The following ECPAS variants were observed in gnomAD, a reference collection of about 807,000 sequenced individuals.
ECPAS encodes the protein proteasome adapter and scaffold protein ECM29.
A neutral mutation model predicts 255.1 loss-of-function variants in ECPAS; 70 were observed. The observed-to-expected ratio is 0.27, with a 90% CI of 0.23 to 0.33. The LOEUF is 0.33. Among genes scored for constraint, ECPAS ranks in the 10% least tolerant of loss-of-function variants. ECPAS has a pLI of 1.00. For missense variants in ECPAS, 1,817 were observed against 2,206.4 expected, an observed-to-expected ratio of 0.82 and a Z score of 3.54; for synonymous variants, 784 against 775.0, an observed-to-expected ratio of 1.01 and a Z score of -0.19.
In ECPAS at chr9:111,389,488, T is replaced by C. The variant is rs892568053; in HGVS notation, c.3447+68A>G. 35 of 1,376,920 alleles carry C rather than the reference T, an allele frequency of 2.5e-5. 1 individual carries two copies. Among genetic ancestry groups the C allele is most frequent in the Non-Finnish European group, 3.1e-5 (32 of 1,028,590 alleles). 85.3% of individuals were successfully genotyped at this position (1,376,920 alleles called of 1,614,324 possible). A position where few individuals can be genotyped will look rare whatever the true frequency, so the allele number is the denominator to read the frequency against. On this transcript the variant is annotated intron_variant, in intron 31 of 49. Transcript: ENST00000684092. Reference sequence around the variant, plus strand: ...GTAGAAAGGAAGATGGACACTGGGTTTAAATCCTATGCATGACCCTGGACA... The same window carrying C: ...GTAGAAAGGAAGATGGACACTGGGTCTAAATCCTATGCATGACCCTGGACA...
At chr9:111,389,499 GCAT>G in intron 31 of ECPAS, 54 bp downstream of exon 31, 14 of 1,451,456 alleles carry the variant, frequency 9.6e-6, no homozygotes, top group Non-Finnish European at 1.3e-5. Context: ...TAAATCCTAT[GCAT>G]GACCCTGGAC....
At chr9:111,416,534 A>T (rs1347802199) in intron 17 of ECPAS, among the ~76,000 whole-genome samples, 182 bp from the exon 18 acceptor site, 3 of 152,198 alleles carry the variant, frequency 2.0e-5, no homozygotes, top group Non-Finnish European at 4.4e-5. Context: ...ACACTAAAAG[A>T]CAAGTGTATT....
chr9:111,429,297 T>C (rs2131836604), intron 9 of ECPAS, among the ~76,000 whole-genome samples: 1 of 152,214 alleles, frequency 6.6e-6, no homozygotes, highest in East Asian at 1.9e-4. Context: ...CACTGAAGAA[T>C]AGAATAACTG....
In ECPAS at chr9:111,432,016, A is replaced by G. The variant is rs10817174; in HGVS notation, c.848+1217T>C. 0.014 allele frequency among the ~76,000 whole-genome samples: 2,202 copies of G among 152,332 alleles called. 121 individuals are homozygous for G. In the East Asian group the frequency reaches 0.19, roughly 13 times the overall value. ...ACAAACTAAAAACTTAGTAGTAATTAACTTCATTCATATTTTGGCAAATAT... is the reference window on the plus strand; with the variant it reads ...ACAAACTAAAAACTTAGTAGTAATTGACTTCATTCATATTTTGGCAAATAT... On this transcript the variant is annotated intron_variant, in intron 8 of 49. Transcript: ENST00000684092.
At chr9:111,432,762 T>C (rs1294121663) in intron 8 of ECPAS, among the ~76,000 whole-genome samples, 1 of 152,260 alleles carries the variant, frequency 6.6e-6, no homozygotes, top group East Asian at 1.9e-4. Flanking sequence ...TACAGAATAT[T>C]TTCTATAAGT....
chr9:111,429,118 A>T (rs77821645), intron 9 of ECPAS, among the ~76,000 whole-genome samples: 7,346 of 152,240 alleles, frequency 0.048, 589 homozygotes, highest in African/African-American at 0.17. Flanking sequence ...TTCTTGAAGT[A>T]ACAAGCTCAT....
intron 2 of ECPAS, among the ~76,000 whole-genome samples, chr9:111,463,789 T>G (rs1322738507): frequency 6.6e-6 from 1 of 152,094 alleles, no homozygotes; most frequent in Non-Finnish European, 1.5e-5. Flanking sequence ...GTACCAAATG[T>G]TGGCAAAGAT....
intron 20 of ECPAS, among the ~76,000 whole-genome samples, chr9:111,413,027 AC>A (rs1292609509): frequency 6.6e-5 from 10 of 152,166 alleles, no homozygotes; most frequent in Non-Finnish European, 1.5e-4. Flanking sequence ...TATTTTCCAA[AC>A]CTGGCATCCC....
At chr9:111,446,803 C>A (rs767329933) in intron 3 of ECPAS, among the ~76,000 whole-genome samples, 1 of 152,158 alleles carries the variant, frequency 6.6e-6, no homozygotes, top group South Asian at 2.1e-4. Context: ...GACTCCAGAG[C>A]CCATTTTTTT....
rs144132152 is a variant in ECPAS, at chr9:111,425,795, T to C, written c.1084A>G (p.Asn362Asp). Residue 362 changes from asparagine (N) to aspartate (D), a missense_variant, in exon 11 of 50, where the codon AAT (asparagine) becomes GAT (aspartate). Coordinates refer to ENST00000684092, the MANE Select transcript of ECPAS (RefSeq NM_001364929.1). Reference protein sequence around the residue: ...VYDGLFGTNTNSKLRTLSLQF... With the variant: ...VYDGLFGTNTDSKLRTLSLQF... ...AGGGATAATGTTCTTAACTTTGAAT[T>C]TGTATTTGTACCAAAAAGTCCATCA... The C allele has an allele frequency of 2.1e-5, 34 of 1,586,876 alleles. No individual in the cohort carries two copies. Among genetic ancestry groups the C allele is most frequent in the Non-Finnish European group, 2.8e-5 (33 of 1,158,562 alleles).
At chr9:111,482,928 C>G (rs941461605) in intron 1 of ECPAS, among the ~76,000 whole-genome samples, 36 of 152,196 alleles carry the variant, frequency 2.4e-4, no homozygotes, top group African/African-American at 8.7e-4. Context: ...GGCACTAACT[C>G]TCCTTTCTGA....
intron 4 of ECPAS, 35 bp downstream of exon 4, chr9:111,444,343 C>T: frequency 6.9e-7 from 1 of 1,446,980 alleles, no homozygotes; most frequent in Non-Finnish European, 9.6e-7. Flanking sequence ...AGAAAATTTG[C>T]TGTAAGTCAG....
chr9:111,414,364 A>G (rs879333946), intron 19 of ECPAS, 65 bp downstream of exon 19: 114 of 1,389,046 alleles, frequency 8.2e-5, no homozygotes, highest in Non-Finnish European at 1.1e-4. Context: ...AATTCTTAGC[A>G]AAGTTTAAAA....
rs776704548 is a variant in ECPAS at position 111,378,704 on chromosome 9, T to C, written c.3830A>G (p.Lys1277Arg). ...LSINTLVKISKSAGAMLKPHA... is the reference protein window; with the variant it reads ...LSINTLVKISRSAGAMLKPHA... The stretch of plus-strand genomic sequence containing the variant: ...CGGTTTCAACATGGCTCCTGCACTT[T>C]TGCTGATCTTCACAAGGGTGTTAAT... Residue 1277 changes from lysine (K) to arginine (R), a missense_variant, in exon 36 of 50, where the codon AAA (lysine) becomes AGA (arginine). Transcript: ENST00000684092. 2 of 1,613,446 alleles carry C rather than the reference T, an allele frequency of 1.2e-6. No homozygotes were observed. The highest frequency in any genetic ancestry group is 8.5e-7 in the Non-Finnish European group (1 of 1,179,496).
Position 111,370,715 on chromosome 9 carries a change from C to T in ECPAS, c.4781+7G>A, listed in dbSNP as rs765613513. On this transcript the variant is annotated splice_region_variant and intron_variant, in intron 44 of 49. Coordinates refer to ENST00000684092, the MANE Select transcript of ECPAS (RefSeq NM_001364929.1). ...AGAAATGGCATCTTCATTGAAAGAA[C>T]ATTTACCTGCAAGCTGTCACCACAC... The T allele has an allele frequency of 4.4e-6, 7 of 1,607,252 alleles. No individual in the cohort carries two copies. In the East Asian group the frequency reaches 1.1e-4, roughly 26 times the overall value.
rs542318766 is a variant in ECPAS, at chr9:111,372,414, G to A, written c.4528+15C>T. The A allele has an allele frequency of 6.2e-7, 1 of 1,609,434 alleles. No individual in the cohort carries two copies. ...ATTCCTAAGAAGCAGGTTTAACTCA[G>A]GCCACACTACTAACCAGGTACGTTT... On this transcript the variant is annotated intron_variant, in intron 42 of 49. Coordinates refer to ENST00000684092, the MANE Select transcript of ECPAS (RefSeq NM_001364929.1).
intron 24 of ECPAS, among the ~76,000 whole-genome samples, chr9:111,406,693 C>T (rs906084491): frequency 2.0e-5 from 3 of 148,758 alleles, no homozygotes; most frequent in Admixed American, 1.3e-4. Context: ...CACTTGAGCC[C>T]AGGAGTTCAA....
intron 48 of ECPAS, 59 bp downstream of exon 48, chr9:111,366,180 C>T (rs2098120133): frequency 8.9e-7 from 1 of 1,118,210 alleles, no homozygotes; most frequent in Non-Finnish European, 1.3e-6. Context: ...ATATTTGAAG[C>T]TCAGCTCCTT....
chr9:111,413,130 G>C (rs76414536), intron 20 of ECPAS, among the ~76,000 whole-genome samples: 27,543 of 152,092 alleles, frequency 0.18, 2,630 homozygotes, highest in East Asian at 0.34. Context: ...CATTACCTAT[G>C]AAAATTACAA....
Sources: gnomAD v4.1 joint callset for allele counts (sites outside exome capture counted in the v4.1 genomes callset) on GRCh38, gnomAD v4.1.1 for gene constraint, MANE v1.5 for transcripts, NCBI Gene and HGNC (gene_info 2026-07-23, HGNC 2026-07-21) for gene names.